The following ARHGAP32 variants were observed in gnomAD, a reference collection of about 807,000 sequenced individuals.
ARHGAP32 encodes the protein Rho GTPase activating protein 32.
A neutral mutation model predicts 186.5 loss-of-function variants in ARHGAP32; 51 were observed. The ratio of observed to expected loss-of-function variants is 0.27; its 90% CI spans 0.22 to 0.35. The LOEUF (loss-of-function observed/expected upper bound fraction) is 0.35, where lower values mean the gene tolerates loss of function less well. Ranked by LOEUF, ARHGAP32 falls within the 10% of genes least tolerant of loss-of-function variation. The pLI is 1.00. For synonymous variants in ARHGAP32, 950 were observed against 964.3 expected, an observed-to-expected ratio of 0.99 and a Z score of 0.27; for missense variants, 2,186 against 2,623.5, an observed-to-expected ratio of 0.83 and a Z score of 3.64.
At chr11:129,011,676 T>C (rs1938092569) in intron 11 of ARHGAP32, among the ~76,000 whole-genome samples, 2 of 152,154 alleles carry the variant, frequency 1.3e-5, no homozygotes, top group South Asian at 4.1e-4. Context: ...TAACCAAATA[T>C]GTTTATCAGA....
rs185049585 is a variant in ARHGAP32, at chr11:129,113,896, C to T, written c.444+9550G>A. 1.2e-3 allele frequency among the ~76,000 whole-genome samples: 178 copies of T among 152,188 alleles called. 1 individual carries two copies. The highest frequency in any genetic ancestry group is 4.2e-3 in the African/African-American group (173 of 41,544). Reference sequence around the variant, plus strand: ...TTCACCCAGCTGACCAACCTAATCGCCCTAGATTCTGCTACTTCTCCTCCT... The same window carrying T: ...TTCACCCAGCTGACCAACCTAATCGTCCTAGATTCTGCTACTTCTCCTCCT... On this transcript the variant is annotated intron_variant, in intron 5 of 22. Coordinates refer to ENST00000682385, the MANE Select transcript of ARHGAP32 (RefSeq NM_001378024.1).
At chr11:129,230,665 A>G (rs971877241) in intron 1 of ARHGAP32, among the ~76,000 whole-genome samples, 1 of 152,176 alleles carries the variant, frequency 6.6e-6, no homozygotes, top group African/African-American at 2.4e-5. Context: ...CTCATGTATA[A>G]TATTTCACAA....
chr11:129,165,910 T>G (rs566930383), intron 1 of ARHGAP32, among the ~76,000 whole-genome samples: 3 of 152,000 alleles, frequency 2.0e-5, no homozygotes, highest in Admixed American at 2.0e-4. Context: ...GAACACAGTA[T>G]GGGGAGAAGA....
At position 128,987,042 on chromosome 11, in the gene ARHGAP32, T is replaced by C. The variant is rs761058050; in HGVS notation, c.1299-374A>G. Among the ~76,000 whole-genome samples, 122 of 152,188 alleles carry C rather than the reference T, an allele frequency of 8.0e-4. 1 individual carries two copies. The highest frequency in any genetic ancestry group is 2.6e-4 in the Non-Finnish European group (18 of 68,030). On this transcript the variant is annotated intron_variant, in intron 13 of 22. Coordinates refer to ENST00000682385, the MANE Select transcript of ARHGAP32 (RefSeq NM_001378024.1). ...GAGACTAGTGTTGAATGGCAATTGATCTATGAACAATTATGAGCAGAAATT... is the reference window on the plus strand; with the variant it reads ...GAGACTAGTGTTGAATGGCAATTGACCTATGAACAATTATGAGCAGAAATT...
intron 10 of ARHGAP32, among the ~76,000 whole-genome samples, chr11:129,054,851 C>T (rs968447890): frequency 1.3e-5 from 2 of 152,160 alleles, no homozygotes; most frequent in African/African-American, 4.8e-5. Context: ...TTCACACTTC[C>T]TACTCCCAGA....
rs971786072 is a variant in ARHGAP32, at chr11:129,141,137, G to T, written c.226-16243C>A. 2.6e-5 allele frequency among the ~76,000 whole-genome samples: 4 copies of T among 152,270 alleles called. 1 individual carries two copies. In the South Asian group the frequency reaches 8.3e-4, roughly 32 times the overall value. On this transcript the variant is annotated intron_variant, in intron 2 of 22. Coordinates refer to ENST00000682385, the MANE Select transcript of ARHGAP32 (RefSeq NM_001378024.1). Reference sequence around the variant, plus strand: ...GCAAGGAAATATAAAATTGTATATTGTCCATAATTATTTTAAAAATCATAT... The same window carrying T: ...GCAAGGAAATATAAAATTGTATATTTTCCATAATTATTTTAAAAATCATAT...
chr11:129,100,347 A>G lies in ARHGAP32; in HGVS notation c.445-6640T>C, dbSNP rs989130078. On this transcript the variant is annotated intron_variant, in intron 5 of 22. Coordinates refer to ENST00000682385, the MANE Select transcript of ARHGAP32 (RefSeq NM_001378024.1). ...TCCCAAGGACCCAGCCTGGCCACAC[A>G]TGCTTGCAGGGCAGCCTCACATGTC... Among the ~76,000 whole-genome samples, 4 of 152,152 alleles carry G rather than the reference A, an allele frequency of 2.6e-5. No individual in the cohort carries two copies. The East Asian group carries it at 7.7e-4, about 29-fold the overall frequency.
chr11:129,000,489 A>T (rs530819298), intron 11 of ARHGAP32, among the ~76,000 whole-genome samples: 30 of 152,214 alleles, frequency 2.0e-4, no homozygotes, highest in Non-Finnish European at 3.2e-4. Flanking sequence ...ATTTAAAAAA[A>T]TTTTCATGGG....
chr11:129,131,378 TATG>T (rs1234998428), intron 2 of ARHGAP32, among the ~76,000 whole-genome samples: 5 of 152,176 alleles, frequency 3.3e-5, no homozygotes, highest in Non-Finnish European at 7.3e-5. Context: ...CTGGAATAGT[TATG>T]ATAACTACGG....
intron 1 of ARHGAP32, among the ~76,000 whole-genome samples, chr11:129,223,862 A>G (rs1232475300): frequency 2.6e-5 from 4 of 152,208 alleles, no homozygotes; most frequent in Non-Finnish European, 5.9e-5. Context: ...CAGCCAAAGA[A>G]AGAATCCACT....
Position 129,249,467 on chromosome 11 carries a change from T to C in ARHGAP32, c.-5+29679A>G, listed in dbSNP as rs187641391. Among the ~76,000 whole-genome samples, 192 of 152,286 alleles carry C rather than the reference T, an allele frequency of 1.3e-3. 2 individuals carry two copies. The highest frequency in any genetic ancestry group is 4.4e-3 in the African/African-American group (183 of 41,576). On this transcript the variant is annotated intron_variant, in intron 1 of 6. Coordinates refer to the ARHGAP32 transcript ENST00000525234. ...AGATTTTTTTATTACCAGTAGATAC[T>C]TATAAAGACAGATGCTAATGCCAGG...
chr11:129,102,880 A>AC (rs1941941464), intron 5 of ARHGAP32, among the ~76,000 whole-genome samples: 1 of 152,110 alleles, frequency 6.6e-6, no homozygotes, highest in Admixed American at 6.6e-5. Flanking sequence ...CTGGGTATAC[A>AC]CCCCCCAAAG....
chr11:129,153,560 TAA>T (rs1943337660), intron 2 of ARHGAP32, among the ~76,000 whole-genome samples: 1 of 151,976 alleles, frequency 6.6e-6, no homozygotes, highest in Non-Finnish European at 1.5e-5. Flanking sequence ...TGGAACAGAA[TAA>T]AGAACCCAGA....
At chr11:129,054,228 T>G (rs190016626) in intron 10 of ARHGAP32, among the ~76,000 whole-genome samples, 13 of 152,106 alleles carry the variant, frequency 8.5e-5, no homozygotes, top group Non-Finnish European at 1.9e-4. Context: ...ACTCTCTAAG[T>G]GAGATTCTAG....
At chr11:129,085,886 C>A (rs1041193073) in intron 6 of ARHGAP32, among the ~76,000 whole-genome samples, 1 of 151,496 alleles carries the variant, frequency 6.6e-6, no homozygotes, top group Non-Finnish European at 1.5e-5. Context: ...CCCAGCTACT[C>A]GGGAGGCTGA....
In ARHGAP32 at chr11:128,967,500, A is replaced by C. The variant is rs1945246986; in HGVS notation, c.*1407T>G. ...TAGGACTGCCTTGCTAGTCTGATGT[A>C]TTTTGGGGGGTGGAGGGAGCTGAGA... On this transcript the variant is annotated 3_prime_UTR_variant, in exon 23 of 23. Coordinates refer to ENST00000682385, the MANE Select transcript of ARHGAP32 (RefSeq NM_001378024.1). 6.6e-6 allele frequency: 1 copy of C among 152,200 alleles called. No individual in the cohort carries two copies. The highest frequency in any genetic ancestry group is 1.5e-5 in the Non-Finnish European group (1 of 68,034). The allele number at this position is 152,200 out of a possible 1,614,324, so 9.4% of individuals were successfully genotyped here.
chr11:129,119,072 G>A lies in ARHGAP32; in HGVS notation c.444+4374C>T, dbSNP rs189172077. Among the ~76,000 whole-genome samples the A allele has an allele frequency of 4.2e-3, 643 of 151,986 alleles. 10 individuals carry two copies. Among genetic ancestry groups the A allele is most frequent in the African/African-American group, 0.014 (601 of 41,466 alleles). ...GGCATGGTACAACCTATCCTCCCCC[G>A]TGCTGTTATATCTCTGTTCCTCTCC... On this transcript the variant is annotated intron_variant, in intron 5 of 22. Coordinates refer to ENST00000682385, the MANE Select transcript of ARHGAP32 (RefSeq NM_001378024.1).
chr11:129,028,050 G>T (rs1353813933), intron 11 of ARHGAP32, among the ~76,000 whole-genome samples: 1 of 152,166 alleles, frequency 6.6e-6, no homozygotes, highest in African/African-American at 2.4e-5. Flanking sequence ...AACATTTTTG[G>T]TAACTATAAT....
In ARHGAP32 at chr11:128,970,475, T is replaced by G; in HGVS notation, c.4738A>C (p.Arg1580=). The change falls in exon 23 of 23, where the codon AGG becomes CGG. Residue 1580 remains arginine, a synonymous_variant. Coordinates refer to ENST00000682385, the MANE Select transcript of ARHGAP32 (RefSeq NM_001378024.1). This position sits in a 1 kb window ranked among gnomAD's most constrained non-coding sequence, Gnocchi z 5.8. ...EYVSSLSSSV[R]NTCYPEDIPP... ...ATGTCTTCGGGGTAACAGGTATTCC[T>G]GACAGAGGAGCTCAAAGAAGACACA... 6.2e-7 allele frequency: 1 copy of G among 1,614,148 alleles called. No homozygotes were observed. The highest frequency in any genetic ancestry group is 8.5e-7 in the Non-Finnish European group (1 of 1,180,026).
Sources: gnomAD v4.1 joint callset for allele counts (sites outside exome capture counted in the v4.1 genomes callset) on GRCh38, gnomAD v4.1.1 for gene constraint, Gnocchi (gnomAD v3.1) non-coding constraint, MANE v1.5 for transcripts, NCBI Gene and HGNC (gene_info 2026-07-23, HGNC 2026-07-21) for gene names.